Variants in ROR1 observed in about 807,000 individuals in gnomAD.
ROR1 encodes the protein ROR family WNT receptor 1.
A neutral mutation model predicts 78.8 loss-of-function variants in ROR1; 19 were observed. The observed-to-expected ratio is 0.24, with a 90% CI of 0.17 to 0.35. The LOEUF is 0.35. ROR1 is among the 10% of genes least tolerant of loss of function. ROR1 has a pLI of 1.00. For synonymous variants in ROR1, 386 were observed against 433.6 expected (o/e 0.89, Z 1.36); for missense variants, 917 against 1,177.8 (o/e 0.78, Z 3.24).
chr1:63,790,700 G>A (rs1644721002), intron 1 of ROR1, among the ~76,000 whole-genome samples: 1 of 152,196 alleles, frequency 6.6e-6, no homozygotes, highest in African/African-American at 2.4e-5. Flanking sequence ...GGTGGTGAAT[G>A]CTGGCTGCCG....
At chr1:63,977,548 T>C (rs958959202) in intron 1 of ROR1, among the ~76,000 whole-genome samples, 1 of 152,170 alleles carries the variant, frequency 6.6e-6, no homozygotes, top group Admixed American at 6.5e-5. Context: ...GAAATGATTA[T>C]AGTACTGACC....
chr1:63,892,786 A>G (rs545920081), intron 1 of ROR1, among the ~76,000 whole-genome samples: 87 of 152,242 alleles, frequency 5.7e-4, no homozygotes, highest in South Asian at 1.9e-3. Flanking sequence ...TGGAGGGAGT[A>G]GGACTTGAGG....
chr1:64,113,159 G>T (rs568644001), intron 4 of ROR1, among the ~76,000 whole-genome samples: 1 of 152,044 alleles, frequency 6.6e-6, no homozygotes, highest in Admixed American at 6.5e-5. Context: ...CTTTGTTCTG[G>T]TGCCTGTTTT....
chr1:64,144,978 T>C (rs901378304), intron 7 of ROR1, among the ~76,000 whole-genome samples: 1 of 152,208 alleles, frequency 6.6e-6, no homozygotes, highest in African/African-American at 2.4e-5. Context: ...AAAATAATGA[T>C]ATACACTTAG....
chr1:63,953,638 T>A (rs1645958925), intron 1 of ROR1, among the ~76,000 whole-genome samples: 3 of 152,172 alleles, frequency 2.0e-5, no homozygotes. Context: ...TGGCACCTAG[T>A]AGGTGCTCAA....
Position 63,843,475 on chromosome 1 carries a change from C to G in ROR1, c.91+68967C>G, listed in dbSNP as rs1569804710. The G allele has an allele frequency of 1.0e-5, 8 of 770,084 alleles. No homozygotes were observed. The East Asian group carries it at 2.4e-4, about 23-fold the overall frequency. 47.7% of individuals were successfully genotyped at this position (770,084 alleles called of 1,614,324 possible). On this transcript the variant is annotated intron_variant, in intron 1 of 8. Transcript: ENST00000371079. The stretch of plus-strand genomic sequence containing the variant: ...CAGTCCTTATCTGGCAGCATCCTGA[C>G]AAAGGTGGTGTAGGGGTCGTCGATG...
At chr1:63,924,807 AG>A (rs1490302892) in intron 1 of ROR1, among the ~76,000 whole-genome samples, 2 of 152,140 alleles carry the variant, frequency 1.3e-5, no homozygotes, top group South Asian at 2.1e-4. Flanking sequence ...CTGGAGGATC[AG>A]GGAGTCATCT....
intron 1 of ROR1, among the ~76,000 whole-genome samples, chr1:63,811,972 T>C (rs1373395657): frequency 2.0e-5 from 3 of 150,738 alleles, no homozygotes; most frequent in Non-Finnish European, 4.4e-5. Context: ...TTTTTTTTTT[T>C]TTTTTTGAGA....
chr1:63,880,914 T>C (rs1353787074), intron 1 of ROR1, among the ~76,000 whole-genome samples: 1 of 152,172 alleles, frequency 6.6e-6, no homozygotes, highest in African/African-American at 2.4e-5. Flanking sequence ...TCTTTAGGCC[T>C]CTGAAAGTTA....
chr1:63,839,247 A>C lies in ROR1; in HGVS notation c.91+64739A>C, dbSNP rs745560212. The stretch of plus-strand genomic sequence containing the variant: ...AATAGATGGTTGATTGGTTTAAAGA[A>C]AGAGACAGCTGAATTGGACGGGGAA... On this transcript the variant is annotated intron_variant, in intron 1 of 8. Transcript: ENST00000371079. 7.3e-4 allele frequency among the ~76,000 whole-genome samples: 111 copies of C among 152,330 alleles called. 1 individual carries two copies. In the Middle Eastern group the frequency reaches 0.017, roughly 23 times the overall value.
intron 6 of ROR1, among the ~76,000 whole-genome samples, chr1:64,142,151 G>A (rs10489901): frequency 0.16 from 23,625 of 152,184 alleles, 2,097 homozygotes; most frequent in Non-Finnish European, 0.2. Context: ...TTCAATGTTA[G>A]AAATACTTTT....
At chr1:63,922,302 A>C (rs558981334) in intron 1 of ROR1, among the ~76,000 whole-genome samples, 1 of 152,336 alleles carries the variant, frequency 6.6e-6, no homozygotes, top group African/African-American at 2.4e-5. Flanking sequence ...TAGATGAGGC[A>C]CCTAAAGCTC....
chr1:63,789,943 A>C (rs1256712243), intron 1 of ROR1, among the ~76,000 whole-genome samples: 1 of 152,094 alleles, frequency 6.6e-6, no homozygotes, highest in Non-Finnish European at 1.5e-5. Flanking sequence ...CTGTGGTCTC[A>C]TAGGGCACCT....
chr1:64,178,305 A>G lies in ROR1; in HGVS notation c.2264A>G (p.His755Arg). ...CGGTCCTGGGAGGGACTCTCAAGTC[A>G]CACAAGCTCTACTACTCCTTCAGGG... ...RLRSWEGLSS[H>R]TSSTTPSGGN... The change falls in exon 9 of 9, where the codon CAC becomes CGC. Residue 755 changes from histidine (H) to arginine (R), a missense_variant. Physicochemically the swap from His to Arg is conservative, Grantham distance 29. Around this residue, in one of 3 missense-constraint regions of ROR1, gnomAD observed 835 missense variants for 1,069.8 expected, o/e 0.78. Coordinates refer to ENST00000371079, the MANE Select transcript of ROR1 (RefSeq NM_005012.4). This position sits in a 1 kb window ranked among gnomAD's most constrained non-coding sequence, Gnocchi z 4.3. 6.2e-7 allele frequency: 1 copy of G among 1,614,160 alleles called. No homozygotes were observed. Among genetic ancestry groups the G allele is most frequent in the Non-Finnish European group, 8.5e-7 (1 of 1,180,022 alleles).
intron 2 of ROR1, 144 bp downstream of exon 2, chr1:64,009,520 A>G (rs2100543353): frequency 3.1e-6 from 2 of 635,586 alleles, no homozygotes; most frequent in African/African-American, 3.7e-5. Context: ...TTACTTTGTG[A>G]TCATTTAACA....
At chr1:64,096,493 G>A (rs1647304525) in intron 4 of ROR1, among the ~76,000 whole-genome samples, 1 of 152,096 alleles carries the variant, frequency 6.6e-6, no homozygotes, top group South Asian at 2.1e-4. Flanking sequence ...TGTGGTATCT[G>A]CTTTTCTGTT....
chr1:63,871,296 G>A (rs555045014), intron 1 of ROR1, among the ~76,000 whole-genome samples: 19 of 152,292 alleles, frequency 1.2e-4, no homozygotes, highest in Non-Finnish European at 2.2e-4. Flanking sequence ...ACCCACAGGG[G>A]AAGAATCCAG....
rs377475397 is a variant in ROR1, at chr1:63,804,263, ACACT to A, written c.91+29759_91+29762del. 7.2e-5 allele frequency among the ~76,000 whole-genome samples: 11 copies of A among 152,282 alleles called. No homozygotes were observed. In the East Asian group the frequency reaches 1.5e-3, roughly 21 times the overall value. ...TGTGATAAAATTGCACAGAACGCAC[ACACT>A]CACACACAAACACACATGAGTGCAT... On this transcript the variant is annotated intron_variant, in intron 1 of 8. Coordinates refer to ENST00000371079, the MANE Select transcript of ROR1 (RefSeq NM_005012.4).
intron 2 of ROR1, among the ~76,000 whole-genome samples, chr1:64,035,265 A>G (rs1378298328): frequency 1.3e-5 from 2 of 152,246 alleles, no homozygotes; most frequent in Non-Finnish European, 2.9e-5. Context: ...CAAGTTTGTC[A>G]GAGTTTCTAA....
Sources: gnomAD v4.1 joint callset for allele counts (sites outside exome capture counted in the v4.1 genomes callset) on GRCh38, gnomAD v4.1.1 for gene constraint, gnomAD v4.1.1 regional missense constraint, Gnocchi (gnomAD v3.1) non-coding constraint, MANE v1.5 for transcripts, NCBI Gene and HGNC (gene_info 2026-07-23, HGNC 2026-07-21) for gene names.